The following EXOC6 variants were observed in gnomAD, a reference collection of about 807,000 sequenced individuals.
EXOC6 encodes the protein SEC15-like 1.
EXOC6 carries 60 observed loss-of-function variants against 112.5 expected under a neutral mutation model. That is an observed-to-expected ratio of 0.53 (90% CI 0.43 to 0.66). EXOC6 has a LOEUF of 0.66. Among genes scored for constraint, EXOC6 ranks in the 30% least tolerant of loss-of-function variants. The pLI, the probability that EXOC6 is intolerant of heterozygous loss-of-function variation, is 0.00. For missense variants in EXOC6, 855 were observed against 957.1 expected (o/e 0.89, Z 1.41); for synonymous variants, 295 against 308.0 (o/e 0.96, Z 0.44).
At chr10:92,892,775 C>T (rs1849570366) in intron 1 of EXOC6, among the ~76,000 whole-genome samples, 1 of 152,118 alleles carries the variant, frequency 6.6e-6, no homozygotes, top group African/African-American at 2.4e-5. Context: ...GTGGTGACTG[C>T]AATATGGGCT....
At chr10:92,946,134 CAAA>C (rs869208526) in intron 13 of EXOC6, among the ~76,000 whole-genome samples, 2 of 141,998 alleles carry the variant, frequency 1.4e-5, no homozygotes, top group Non-Finnish European at 3.1e-5. Context: ...ACTAAAAAAA[CAAA>C]AAAAAAAAAT....
intron 17 of EXOC6, among the ~76,000 whole-genome samples, chr10:92,967,348 G>GT (rs1445015514): frequency 6.6e-6 from 1 of 152,050 alleles, no homozygotes; most frequent in African/African-American, 2.4e-5. Context: ...TAAAAATAGT[G>GT]TTTTTTCCCT....
chr10:92,903,236 T>G (rs910476591), intron 5 of EXOC6, among the ~76,000 whole-genome samples: 10 of 152,138 alleles, frequency 6.6e-5, no homozygotes, highest in Non-Finnish European at 1.5e-4. Context: ...GAATTTCATT[T>G]GCTCCACATC....
chr10:93,057,565 C>T (rs1846605782), intron 21 of EXOC6, among the ~76,000 whole-genome samples: 1 of 152,082 alleles, frequency 6.6e-6, no homozygotes, highest in East Asian at 1.9e-4. Context: ...TTTTCCCTCT[C>T]ATTATGTGAC....
chr10:92,951,624 A>G (rs1315029080), intron 14 of EXOC6, among the ~76,000 whole-genome samples: 3 of 152,210 alleles, frequency 2.0e-5, no homozygotes, highest in Non-Finnish European at 4.4e-5. Flanking sequence ...CTGAAATAGA[A>G]AAGAGGGTTT....
intron 7 of EXOC6, among the ~76,000 whole-genome samples, chr10:92,919,086 C>T (rs577252349): frequency 6.0e-4 from 92 of 152,098 alleles, no homozygotes; most frequent in Non-Finnish European, 1.1e-3. Flanking sequence ...ATTATTTTCT[C>T]CTTTGAGGTT....
At chr10:92,929,607 C>G (rs1340359161) in intron 9 of EXOC6, among the ~76,000 whole-genome samples, 1 of 152,074 alleles carries the variant, frequency 6.6e-6, no homozygotes, top group Non-Finnish European at 1.5e-5. Context: ...AAATAAAAGC[C>G]AAGCTTGCTA....
intron 1 of EXOC6, among the ~76,000 whole-genome samples, chr10:92,836,483 C>T (rs547739174): frequency 1.3e-5 from 2 of 152,260 alleles, no homozygotes; most frequent in Admixed American, 1.3e-4. Context: ...TACCCTGTCA[C>T]GACCATGCAG....
intron 8 of EXOC6, among the ~76,000 whole-genome samples, chr10:92,922,603 T>A (rs1304256847): frequency 6.6e-6 from 1 of 152,196 alleles, no homozygotes; most frequent in Non-Finnish European, 1.5e-5. Flanking sequence ...ATATGAGTAT[T>A]CCATGAAAGG....
intron 17 of EXOC6, among the ~76,000 whole-genome samples, 190 bp from the exon 18 acceptor site, chr10:92,973,863 A>G (rs1484908399): frequency 6.6e-6 from 1 of 152,258 alleles, no homozygotes; most frequent in African/African-American, 2.4e-5. Context: ...GAACTAAGAA[A>G]AGATGTGATG....
rs575976123 is a variant in EXOC6 at position 93,025,618 on chromosome 10, A to C, written c.2169+11351A>C. Among the ~76,000 whole-genome samples the C allele has an allele frequency of 8.5e-4, 130 of 152,324 alleles. 1 individual carries two copies. Among genetic ancestry groups the C allele is most frequent in the Non-Finnish European group, 1.7e-3 (118 of 68,022 alleles). On this transcript the variant is annotated intron_variant, in intron 20 of 21. Transcript: ENST00000260762. ...TTCAAGTATTTAATTTATTTCAAGT[A>C]TTTTAATTTTGGGCAAACTAGAGAA...
At chr10:92,878,124 C>T (rs950713185) in intron 1 of EXOC6, 1 of 153,292 alleles carries the variant, frequency 6.5e-6, no homozygotes, top group Non-Finnish European at 1.5e-5. Context: ...GGTAGATTGA[C>T]TGCTTTTATT....
chr10:92,870,171 C>T (rs1348785958), intron 1 of EXOC6, among the ~76,000 whole-genome samples: 2 of 151,982 alleles, frequency 1.3e-5, no homozygotes, highest in African/African-American at 4.8e-5. Flanking sequence ...CCAGGTTGGT[C>T]TTGAACTCCT....
chr10:92,958,432 C>G (rs1853809978), intron 17 of EXOC6, among the ~76,000 whole-genome samples: 1 of 152,166 alleles, frequency 6.6e-6, no homozygotes, highest in Non-Finnish European at 1.5e-5. Context: ...GCAGTAATTG[C>G]AACTGTAAAT....
chr10:92,832,691 A>C (rs1846525504), upstream of EXOC6, among the ~76,000 whole-genome samples: 1 of 98,304 alleles, frequency 1.0e-5, no homozygotes, highest in African/African-American at 4.8e-5. Context: ...CACATAAAGA[A>C]CTTTTTTTTT....
intron 17 of EXOC6, among the ~76,000 whole-genome samples, chr10:92,957,282 A>G (rs1853745320): frequency 6.6e-6 from 1 of 152,100 alleles, no homozygotes; most frequent in Non-Finnish European, 1.5e-5. Context: ...ATTACTTTTA[A>G]TATGCTTACC....
At chr10:92,966,353 T>C (rs944689671) in intron 17 of EXOC6, among the ~76,000 whole-genome samples, 2 of 149,244 alleles carry the variant, frequency 1.3e-5, no homozygotes, top group African/African-American at 2.5e-5. Context: ...TAGTTACATA[T>C]GTATACATGT....
chr10:93,014,291 C>T, intron 20 of EXOC6, 24 bp downstream of exon 20: 2 of 1,573,870 alleles, frequency 1.3e-6, no homozygotes, highest in Non-Finnish European at 1.7e-6. Context: ...ATGTACTTCC[C>T]ATTTGTTGCC....
intron 18 of EXOC6, among the ~76,000 whole-genome samples, chr10:92,974,681 TC>T (rs1290763349): frequency 6.6e-6 from 1 of 152,194 alleles, no homozygotes; most frequent in Non-Finnish European, 1.5e-5. Flanking sequence ...TTCTCCTGCC[TC>T]AGCCTGCCGA....
Sources: gnomAD v4.1 joint callset for allele counts (sites outside exome capture counted in the v4.1 genomes callset) on GRCh38, gnomAD v4.1.1 for gene constraint, MANE v1.5 for transcripts, NCBI Gene and HGNC (gene_info 2026-07-23, HGNC 2026-07-21) for gene names.